Variants in GMCL1 observed in about 807,000 individuals in gnomAD.
GMCL1 encodes germ cell-less 1, spermatogenesis associated, also known as germ cell-less protein-like 1.
GMCL1 carries 54 observed loss-of-function variants against 75.5 expected under a neutral mutation model. The ratio of observed to expected loss-of-function variants is 0.71; its 90% CI spans 0.57 to 0.90. GMCL1 has a LOEUF of 0.90. Ranked by LOEUF, GMCL1 falls within the 40% of genes least tolerant of loss-of-function variation. The probability of loss-of-function intolerance (pLI) is 0.00; values close to 1 mark genes in which losing one functional copy is unlikely to be tolerated. For synonymous variants in GMCL1, 210 were observed against 209.6 expected (o/e 1.00, Z -0.02); for missense variants, 537 against 622.7 (o/e 0.86, Z 1.47).
intron 3 of GMCL1, 140 bp from the exon 4 acceptor site, chr2:69,840,802 G>C (rs552988732): frequency 4.1e-6 from 2 of 489,694 alleles, no homozygotes; most frequent in East Asian, 6.4e-5. Context: ...TTTAATTAGA[G>C]ATACTTCTGT....
rs1368216773 is a variant in GMCL1, at chr2:69,861,085, C to CAAG, written c.1073-192_1073-191insAGA. Reference sequence around the variant, plus strand: ...CTCGAACTCCTGACCTCAGGTGATCCACCTGCCTTGGCCTCCCAAAGTGCT... The same window carrying CAAG: ...CTCGAACTCCTGACCTCAGGTGATCCAAGACCTGCCTTGGCCTCCCAAAGTGCT... On this transcript the variant is annotated intron_variant, in intron 9 of 13. Coordinates refer to ENST00000282570, the MANE Select transcript of GMCL1 (RefSeq NM_178439.5). Among the ~76,000 whole-genome samples, 391 of 152,322 alleles carry CAAG rather than the reference C, an allele frequency of 2.6e-3. 2 individuals carry two copies. Among genetic ancestry groups the CAAG allele is most frequent in the African/African-American group, 9.0e-3 (376 of 41,564 alleles).
In GMCL1 at chr2:69,881,133, G is replaced by A. The variant is rs906725960; in HGVS notation, c.*2129G>A. 1.3e-5 allele frequency: 2 copies of A among 152,150 alleles called. No homozygotes were observed. Among genetic ancestry groups the A allele is most frequent in the African/African-American group, 4.8e-5 (2 of 41,420 alleles). 9.4% of individuals were successfully genotyped at this position (152,150 alleles called of 1,614,324 possible). On this transcript the variant is annotated 3_prime_UTR_variant, in exon 14 of 14. Coordinates refer to ENST00000282570, the MANE Select transcript of GMCL1 (RefSeq NM_178439.5). The stretch of plus-strand genomic sequence containing the variant: ...AACTGGCCAAATTGGATTTATATGT[G>A]GTTTCATCCATTGGTTCTGTCCTGG...
intron 7 of GMCL1, among the ~76,000 whole-genome samples, chr2:69,848,759 T>G (rs758563322): frequency 2.6e-5 from 4 of 152,192 alleles, no homozygotes; most frequent in Non-Finnish European, 4.4e-5. Flanking sequence ...TTCTAAGTAT[T>G]TATGTATATT....
At chr2:69,856,705 C>T (rs1273542854) in intron 9 of GMCL1, among the ~76,000 whole-genome samples, 1 of 121,334 alleles carries the variant, frequency 8.2e-6, no homozygotes, top group Non-Finnish European at 1.6e-5. Flanking sequence ...CCGTAGAAGA[C>T]TTTCTGGCTC....
intron 9 of GMCL1, among the ~76,000 whole-genome samples, chr2:69,855,741 A>G (rs949609641): frequency 6.6e-6 from 1 of 152,186 alleles, no homozygotes; most frequent in Non-Finnish European, 1.5e-5. Flanking sequence ...GTTTATAGAT[A>G]CTGTTTAAGT....
intron 1 of GMCL1, among the ~76,000 whole-genome samples, chr2:69,834,644 G>C (rs1674770645): frequency 6.6e-6 from 1 of 152,082 alleles, no homozygotes; most frequent in African/African-American, 2.4e-5. Context: ...GGAACTTGTG[G>C]AACTTTTTCT....
At chr2:69,875,852 G>A (rs541124245) in intron 13 of GMCL1, among the ~76,000 whole-genome samples, 133 of 145,836 alleles carry the variant, frequency 9.1e-4, no homozygotes, top group African/African-American at 1.2e-3. Context: ...ATGCCACCAC[G>A]CCCAGCTTTT....
chr2:69,845,503 T>C (rs1675116251), intron 6 of GMCL1, among the ~76,000 whole-genome samples: 2 of 152,180 alleles, frequency 1.3e-5, no homozygotes, highest in African/African-American at 2.4e-5. Flanking sequence ...CTCAAACTCC[T>C]GAGCTCAAGC....
rs1674612628 is a variant in GMCL1, at chr2:69,829,729, G to A, written c.-164G>A. The A allele has an allele frequency of 2.7e-5, 20 of 753,026 alleles. No homozygotes were observed. Among genetic ancestry groups the A allele is most frequent in the Admixed American group, 3.2e-5 (1 of 31,520 alleles). 46.6% of individuals were successfully genotyped at this position (753,026 alleles called of 1,614,324 possible). A position where few individuals can be genotyped will look rare whatever the true frequency, so the allele number is the denominator to read the frequency against. On this transcript the variant is annotated 5_prime_UTR_variant, in exon 1 of 14. Coordinates refer to ENST00000282570, the MANE Select transcript of GMCL1 (RefSeq NM_178439.5). ...CGCGGCGCGACCGGACGCTGCGGGC[G>A]GGGAAGAGGATGGAGACTGTGGCGT...
chr2:69,866,024 G>A (rs1357353462), intron 11 of GMCL1, among the ~76,000 whole-genome samples: 4 of 152,156 alleles, frequency 2.6e-5, no homozygotes, highest in Non-Finnish European at 5.9e-5. Context: ...ACTGAGGCAG[G>A]CAGATCATGA....
chr2:69,854,905 TATC>T lies in GMCL1; in HGVS notation c.1019_1021del (p.Ile340del). ...TCAGACATTTAAGGTTACAATATAT[TATC>T]AGTGATCTGGCTTCTGCAAGAATTA... On this transcript the variant is annotated inframe_deletion, in exon 9 of 14. Transcript: ENST00000282570. The T allele has an allele frequency of 6.2e-7, 1 of 1,610,788 alleles. No homozygotes were observed. Among genetic ancestry groups the T allele is most frequent in the Non-Finnish European group, 8.5e-7 (1 of 1,177,798 alleles).
At chr2:69,865,052 C>T in intron 11 of GMCL1, 77 bp downstream of exon 11, 2 of 1,053,632 alleles carry the variant, frequency 1.9e-6, no homozygotes, top group Non-Finnish European at 2.9e-6. Context: ...AAGTAGTAAT[C>T]ATGACACCTG....
At chr2:69,839,077 G>T (rs547977475) in intron 2 of GMCL1, among the ~76,000 whole-genome samples, 2 of 152,242 alleles carry the variant, frequency 1.3e-5, no homozygotes, top group South Asian at 4.1e-4. Flanking sequence ...TTTCTTTGGC[G>T]ATCATCCTGT....
chr2:69,836,757 T>C (rs1674829349), intron 1 of GMCL1, among the ~76,000 whole-genome samples: 1 of 152,202 alleles, frequency 6.6e-6, no homozygotes, highest in South Asian at 2.1e-4. Context: ...TTTCAAACTT[T>C]ATTTTTTTAG....
chr2:69,841,976 A>G (rs10496173), intron 4 of GMCL1, among the ~76,000 whole-genome samples: 4,339 of 152,314 alleles, frequency 0.028, 189 homozygotes, highest in African/African-American at 0.099. Context: ...ACATCTATAC[A>G]TTGCTAAGAA....
intron 6 of GMCL1, among the ~76,000 whole-genome samples, 176 bp from the exon 7 acceptor site, chr2:69,847,367 G>A (rs1675184152): frequency 6.6e-6 from 1 of 152,126 alleles, no homozygotes; most frequent in Non-Finnish European, 1.5e-5. Flanking sequence ...TGAATTAAAA[G>A]TATCCTTGTA....
intron 1 of GMCL1, among the ~76,000 whole-genome samples, chr2:69,836,160 GA>G (rs1674811701): frequency 6.6e-6 from 1 of 152,074 alleles, no homozygotes; most frequent in African/African-American, 2.4e-5. Context: ...CAAGGGTTCT[GA>G]TGGGCAGATA....
intron 11 of GMCL1, among the ~76,000 whole-genome samples, chr2:69,866,606 G>C (rs539307074): frequency 2.0e-5 from 3 of 152,062 alleles, no homozygotes; most frequent in African/African-American, 7.2e-5. Context: ...CTACAGACAC[G>C]TGTCACCACA....
Position 69,829,874 on chromosome 2 carries a change from T to C in GMCL1, c.-19T>C, listed in dbSNP as rs1674617610. 1.3e-6 allele frequency: 2 copies of C among 1,559,670 alleles called. No individual in the cohort carries two copies. The highest frequency in any genetic ancestry group is 2.7e-5 in the African/African-American group (2 of 73,122). On this transcript the variant is annotated 5_prime_UTR_variant, in exon 1 of 14. Coordinates refer to ENST00000282570, the MANE Select transcript of GMCL1 (RefSeq NM_178439.5). Reference sequence around the variant, plus strand: ...ACCCCCTTCTCTGGGCTCCCTGAAGTCTCGGGGAGCCGTGACCCATGGGAT... The same window carrying C: ...ACCCCCTTCTCTGGGCTCCCTGAAGCCTCGGGGAGCCGTGACCCATGGGAT...
Sources: gnomAD v4.1 joint callset for allele counts (sites outside exome capture counted in the v4.1 genomes callset) on GRCh38, gnomAD v4.1.1 for gene constraint, MANE v1.5 for transcripts, NCBI Gene and HGNC (gene_info 2026-07-23, HGNC 2026-07-21) for gene names.